KCNH8: variants seen among roughly 807,000 people sequenced by gnomAD.
KCNH8 encodes voltage-gated delayed rectifier potassium channel KCNH8.
KCNH8 carries 70 observed loss-of-function variants against 103.6 expected under a neutral mutation model. That is an observed-to-expected ratio of 0.68 (90% CI 0.56 to 0.82). The LOEUF is 0.82. Ranked by LOEUF, KCNH8 falls within the 40% of genes least tolerant of loss-of-function variation. The pLI, the probability that KCNH8 is intolerant of heterozygous loss-of-function variation, is 0.00. For missense variants in KCNH8, 1,217 were observed against 1,329.9 expected, an observed-to-expected ratio of 0.92 and a Z score of 1.32; for synonymous variants, 498 against 489.4, an observed-to-expected ratio of 1.02 and a Z score of -0.23.
chr3:19,376,142 A>T (rs1005119582), intron 5 of KCNH8, among the ~76,000 whole-genome samples: 62 of 152,238 alleles, frequency 4.1e-4, no homozygotes, highest in Middle Eastern at 3.4e-3. Context: ...TCGAGCGTCC[A>T]GGCTGCTTTG....
chr3:19,509,058 T>A (rs2068741749), intron 11 of KCNH8, among the ~76,000 whole-genome samples: 1 of 152,220 alleles, frequency 6.6e-6, no homozygotes, highest in African/African-American at 2.4e-5. Context: ...AAGAACACCA[T>A]AATTTTGTTT....
At chr3:19,271,141 CAT>C (rs1306520538) in intron 2 of KCNH8, among the ~76,000 whole-genome samples, 3 of 152,028 alleles carry the variant, frequency 2.0e-5, no homozygotes, top group Non-Finnish European at 4.4e-5. Flanking sequence ...TTTCTTTTAA[CAT>C]GTGTTGAAAT....
chr3:19,167,910 A>G (rs886893805), intron 1 of KCNH8, among the ~76,000 whole-genome samples: 4 of 151,846 alleles, frequency 2.6e-5, no homozygotes, highest in African/African-American at 9.7e-5. Flanking sequence ...GTTCTATGCC[A>G]TTTTATTATA....
intron 5 of KCNH8, among the ~76,000 whole-genome samples, chr3:19,374,493 C>T (rs1047084569): frequency 6.6e-6 from 1 of 150,754 alleles, no homozygotes; most frequent in Non-Finnish European, 1.5e-5. Flanking sequence ...TATTTTGAGC[C>T]TAGTCTCTGC....
intron 3 of KCNH8, among the ~76,000 whole-genome samples, chr3:19,333,789 C>T (rs2065544175): frequency 6.6e-6 from 1 of 152,096 alleles, no homozygotes; most frequent in South Asian, 2.1e-4. Context: ...ATATATTAAT[C>T]CAGAAGGATT....
At chr3:19,398,108 C>G (rs1220236626) in intron 7 of KCNH8, among the ~76,000 whole-genome samples, 2 of 151,850 alleles carry the variant, frequency 1.3e-5, no homozygotes, top group African/African-American at 4.8e-5. Context: ...GATTCAGTTT[C>G]CCAAAGGATA....
chr3:19,369,585 A>T (rs963676289), intron 5 of KCNH8, among the ~76,000 whole-genome samples: 1 of 152,054 alleles, frequency 6.6e-6, no homozygotes, highest in African/African-American at 2.4e-5. Context: ...ATGCAAGTGA[A>T]TTCAGCTATC....
chr3:19,213,730 C>CT (rs1364887490), intron 1 of KCNH8, among the ~76,000 whole-genome samples: 1 of 152,258 alleles, frequency 6.6e-6, no homozygotes, highest in East Asian at 1.9e-4. Flanking sequence ...AGTACTTCCC[C>CT]TTTAAAGAGA....
intron 11 of KCNH8, among the ~76,000 whole-genome samples, chr3:19,489,347 ACTGTCC>A (rs1226050223): frequency 6.6e-6 from 1 of 151,854 alleles, no homozygotes; most frequent in African/African-American, 2.4e-5. Flanking sequence ...TCCTTAACTA[ACTGTCC>A]CTTTGCTACT....
At chr3:19,494,020 A>C (rs1395921022) in intron 11 of KCNH8, among the ~76,000 whole-genome samples, 1 of 152,054 alleles carries the variant, frequency 6.6e-6, no homozygotes, top group Non-Finnish European at 1.5e-5. Context: ...TTCACCCTCA[A>C]GTAGGCCCCA....
chr3:19,380,964 A>G (rs931063511), intron 5 of KCNH8, among the ~76,000 whole-genome samples: 8 of 152,182 alleles, frequency 5.3e-5, no homozygotes, highest in Non-Finnish European at 7.4e-5. Context: ...GTGAGAATCT[A>G]TTTTTCTCTT....
At chr3:19,188,679 A>G (rs901476495) in intron 1 of KCNH8, among the ~76,000 whole-genome samples, 2 of 152,174 alleles carry the variant, frequency 1.3e-5, no homozygotes, top group Non-Finnish European at 2.9e-5. Context: ...TACAAATACA[A>G]TATAAAATTA....
At chr3:19,462,299 A>T in intron 11 of KCNH8, among the ~76,000 whole-genome samples, 1 of 152,190 alleles carries the variant, frequency 6.6e-6, no homozygotes, top group East Asian at 1.9e-4. Context: ...CCTCTCCAAC[A>T]TCTGTTGTTT....
intron 15 of KCNH8, among the ~76,000 whole-genome samples, chr3:19,528,423 A>C (rs1390110480): frequency 6.6e-6 from 1 of 152,098 alleles, no homozygotes; most frequent in Non-Finnish European, 1.5e-5. Context: ...CAAAGCAATA[A>C]GACAAGTGAA....
chr3:19,250,106 C>G (rs2064256931), intron 1 of KCNH8, among the ~76,000 whole-genome samples: 1 of 151,994 alleles, frequency 6.6e-6, no homozygotes, highest in African/African-American at 2.4e-5. Context: ...AACGTATAAT[C>G]TCTACAGAGA....
At chr3:19,468,297 ATAAGTT>A (rs1488897202) in intron 11 of KCNH8, among the ~76,000 whole-genome samples, 2 of 152,242 alleles carry the variant, frequency 1.3e-5, no homozygotes, top group African/African-American at 4.8e-5. Context: ...ACAAATGTCA[ATAAGTT>A]TACTTTGGTG....
chr3:19,375,062 G>A (rs1165894978), intron 5 of KCNH8, among the ~76,000 whole-genome samples: 3 of 151,320 alleles, frequency 2.0e-5, no homozygotes, highest in Non-Finnish European at 4.4e-5. Context: ...TTCAACTTTG[G>A]TGAATCTGAC....
intron 1 of KCNH8, among the ~76,000 whole-genome samples, chr3:19,173,864 T>A (rs1171755021): frequency 6.6e-6 from 1 of 152,018 alleles, no homozygotes; most frequent in Non-Finnish European, 1.5e-5. Context: ...CCAGGACTCA[T>A]CTAAGCATAA....
intron 11 of KCNH8, among the ~76,000 whole-genome samples, chr3:19,476,548 G>A (rs1479978509): frequency 2.6e-5 from 4 of 152,144 alleles, no homozygotes; most frequent in Middle Eastern, 3.4e-3. Flanking sequence ...AATCAGAAGC[G>A]GGTCACTGGG....
Sources: gnomAD v4.1 joint callset for allele counts (sites outside exome capture counted in the v4.1 genomes callset) on GRCh38, gnomAD v4.1.1 for gene constraint, MANE v1.5 for transcripts, NCBI Gene and HGNC (gene_info 2026-07-23, HGNC 2026-07-21) for gene names.